Variants in SYCP2L observed in about 807,000 individuals in gnomAD.
SYCP2L encodes the protein synaptonemal complex protein 2 like, also known as synaptonemal complex protein 2-like.
A neutral mutation model predicts 125.8 loss-of-function variants in SYCP2L; 98 were observed. The observed-to-expected ratio is 0.78, with a 90% confidence interval of 0.66 to 0.92. The LOEUF (loss-of-function observed/expected upper bound fraction) is 0.92. Among genes scored for constraint, SYCP2L ranks in the 40% least tolerant of loss-of-function variants. The pLI, the probability that SYCP2L is intolerant of heterozygous loss-of-function variation, is 0.00. For synonymous variants in SYCP2L, 317 were observed against 325.4 expected (o/e 0.97, Z 0.28); for missense variants, 842 against 936.4 (o/e 0.90, Z 1.32).
At chr6:10,972,405 C>T (rs1454468301) in intron 29 of SYCP2L, among the ~76,000 whole-genome samples, 3 of 152,182 alleles carry the variant, frequency 2.0e-5, no homozygotes, top group Non-Finnish European at 4.4e-5. Flanking sequence ...TCACAAGTAA[C>T]AGAAATTGGA....
chr6:10,928,016 A>C (rs540187817), intron 17 of SYCP2L, among the ~76,000 whole-genome samples: 7 of 152,290 alleles, frequency 4.6e-5, no homozygotes, highest in African/African-American at 1.7e-4. Context: ...GTTTAAGGTT[A>C]TCTCTCTTAT....
At chr6:10,907,905 T>TGTTTTTTTTTTTTTG (rs1351660809) in intron 10 of SYCP2L, among the ~76,000 whole-genome samples, 2 of 141,872 alleles carry the variant, frequency 1.4e-5, no homozygotes, top group African/African-American at 5.3e-5. Context: ...TTTTTTTTTT[T>TGTTTTTTTTTTTTTG]TTTTTGACAG....
At chr6:10,907,791 T>C in intron 10 of SYCP2L, 107 bp downstream of exon 10, 1 of 1,052,444 alleles carries the variant, frequency 9.5e-7, no homozygotes, top group Non-Finnish European at 1.4e-6. Flanking sequence ...TGCTTAAGTG[T>C]GATTACACTG....
At chr6:10,939,300 C>T (rs1182944672) in intron 21 of SYCP2L, among the ~76,000 whole-genome samples, 2 of 152,080 alleles carry the variant, frequency 1.3e-5, no homozygotes, top group Non-Finnish European at 1.5e-5. Context: ...TCCTTATTAT[C>T]CAAAGCAATA....
chr6:10,967,376 C>G (rs1288811069), intron 29 of SYCP2L, among the ~76,000 whole-genome samples: 2 of 151,372 alleles, frequency 1.3e-5, no homozygotes, highest in Non-Finnish European at 2.9e-5. Flanking sequence ...AGATCAGTCT[C>G]AAATGAACAT....
intron 29 of SYCP2L, among the ~76,000 whole-genome samples, chr6:10,969,028 C>T (rs1051121057): frequency 6.6e-6 from 1 of 152,134 alleles, no homozygotes; most frequent in Non-Finnish European, 1.5e-5. Context: ...GGACAGCAAC[C>T]CTCCCACTCA....
intron 29 of SYCP2L, among the ~76,000 whole-genome samples, chr6:10,966,151 C>T (rs894304525): frequency 3.9e-5 from 6 of 152,030 alleles, no homozygotes; most frequent in African/African-American, 1.2e-4. Flanking sequence ...ACAACAACAA[C>T]AACCACACCA....
chr6:10,962,707 T>C (rs912751262), intron 28 of SYCP2L, among the ~76,000 whole-genome samples: 2 of 152,190 alleles, frequency 1.3e-5, no homozygotes, highest in Admixed American at 6.5e-5. Flanking sequence ...AACTATGACT[T>C]TTCAGAACAA....
chr6:10,898,386 G>A (rs1217149052), intron 5 of SYCP2L, among the ~76,000 whole-genome samples: 8 of 151,988 alleles, frequency 5.3e-5, no homozygotes, highest in Non-Finnish European at 1.0e-4. Context: ...GGTGGTGGGC[G>A]CCTGTAATTT....
At chr6:10,937,005 C>T (rs1395088121) in intron 21 of SYCP2L, among the ~76,000 whole-genome samples, 2 of 152,186 alleles carry the variant, frequency 1.3e-5, no homozygotes, top group Non-Finnish European at 2.9e-5. Context: ...TCTTTAATTA[C>T]CCCACCTTCA....
intron 4 of SYCP2L, among the ~76,000 whole-genome samples, chr6:10,894,438 A>G (rs1028789482): frequency 3.9e-5 from 6 of 152,254 alleles, no homozygotes; most frequent in African/African-American, 1.4e-4. Flanking sequence ...AGACACAACC[A>G]CTGCCCTTGT....
Position 10,958,768 on chromosome 6 carries a change from T to G in SYCP2L, c.2164-16T>G. The G allele has an allele frequency of 6.2e-7, 1 of 1,600,400 alleles. No individual in the cohort carries two copies. Among genetic ancestry groups the G allele is most frequent in the South Asian group, 1.1e-5 (1 of 89,274 alleles). The stretch of plus-strand genomic sequence containing the variant: ...ATATTAAATGTGATCATCTTGTTAT[T>G]GTTGTTATGATTTAGCTTAGGTACA... On this transcript the variant is annotated splice_polypyrimidine_tract_variant and intron_variant, in intron 25 of 29. Transcript: ENST00000283141.
In SYCP2L at chr6:10,954,603, AT is replaced by A. The variant is rs1781467851; in HGVS notation, c.1955-512del. 6.6e-6 allele frequency among the ~76,000 whole-genome samples: 1 copy of A among 152,212 alleles called. No individual in the cohort carries two copies. Among genetic ancestry groups the A allele is most frequent in the Non-Finnish European group, 1.5e-5 (1 of 68,044 alleles). ...ATATTTAGTGTTATGCTGAATTGAAATGGGAATCTATGTTCGAGTCTCTCAA... is the reference window on the plus strand; with the variant it reads ...ATATTTAGTGTTATGCTGAATTGAAAGGGAATCTATGTTCGAGTCTCTCAA... On this transcript the variant is annotated intron_variant, in intron 23 of 29. Coordinates refer to ENST00000283141, the MANE Select transcript of SYCP2L (RefSeq NM_001040274.3). The surrounding 1 kb of genome is among the most constrained non-coding windows in gnomAD (Gnocchi z 4.8).
chr6:10,915,680 G>A (rs754864179), intron 14 of SYCP2L, among the ~76,000 whole-genome samples: 2 of 152,088 alleles, frequency 1.3e-5, no homozygotes, highest in East Asian at 3.9e-4. Flanking sequence ...CCCACCTGAT[G>A]ATGGTGGATT....
At chr6:10,915,680 G>C (rs754864179) in intron 14 of SYCP2L, among the ~76,000 whole-genome samples, 1 of 152,088 alleles carries the variant, frequency 6.6e-6, no homozygotes, top group Admixed American at 6.6e-5. Flanking sequence ...CCCACCTGAT[G>C]ATGGTGGATT....
At chr6:10,914,534 G>A (rs909909487) in intron 14 of SYCP2L, among the ~76,000 whole-genome samples, 1 of 152,064 alleles carries the variant, frequency 6.6e-6, no homozygotes, top group Non-Finnish European at 1.5e-5. Context: ...TTCTAATTCT[G>A]TGAAGAATGA....
intron 10 of SYCP2L, among the ~76,000 whole-genome samples, chr6:10,908,429 G>A (rs1038767425): frequency 3.3e-5 from 5 of 152,150 alleles, no homozygotes; most frequent in African/African-American, 1.2e-4. Flanking sequence ...GTACAATTTG[G>A]AGAAACAATA....
At chr6:10,951,905 C>A (rs1259031613) in intron 23 of SYCP2L, among the ~76,000 whole-genome samples, 1 of 152,190 alleles carries the variant, frequency 6.6e-6, no homozygotes, top group Non-Finnish European at 1.5e-5. Context: ...CATACGTTCA[C>A]TGAAACTTGT....
intron 26 of SYCP2L, among the ~76,000 whole-genome samples, chr6:10,960,735 TTTG>T (rs1025640493): frequency 1.3e-5 from 2 of 150,514 alleles, no homozygotes; most frequent in African/African-American, 5.0e-5. Flanking sequence ...CATCTGTCCT[TTTG>T]TTCTCTACTA....
Sources: gnomAD v4.1 joint callset for allele counts (sites outside exome capture counted in the v4.1 genomes callset) on GRCh38, gnomAD v4.1.1 for gene constraint, Gnocchi (gnomAD v3.1) non-coding constraint, MANE v1.5 for transcripts, NCBI Gene and HGNC (gene_info 2026-07-23, HGNC 2026-07-21) for gene names.